FAM168B: variants seen among roughly 807,000 people sequenced by gnomAD.
The protein encoded by FAM168B is myelin-associated neurite-outgrowth inhibitor.
A neutral mutation model predicts 21.8 loss-of-function variants in FAM168B; 19 were observed. That is an observed-to-expected ratio of 0.87 (90% CI 0.61 to 1.28). FAM168B has a LOEUF of 1.28. FAM168B is among the 50% of genes most tolerant of loss of function. The probability of loss-of-function intolerance (pLI) is 0.00; values close to 1 mark genes in which losing one functional copy is unlikely to be tolerated. For missense variants in FAM168B, 233 were observed against 263.1 expected, an observed-to-expected ratio of 0.89 and a Z score of 0.79; for synonymous variants, 126 against 104.8, an observed-to-expected ratio of 1.20 and a Z score of -1.24.
Position 131,049,854 on chromosome 2 carries a change from C to T in FAM168B, c.*2611G>A, listed in dbSNP as rs951418821. The T allele has an allele frequency of 3.0e-6, 3 of 985,782 alleles. No individual in the cohort carries two copies. The highest frequency in any genetic ancestry group is 3.6e-6 in the Non-Finnish European group (3 of 829,928). 61.1% of individuals were successfully genotyped at this position (985,782 alleles called of 1,614,324 possible). ...TTGTAACAGAATTTTGACCCAAGTT[C>T]TATTTCTTAATTGACTTTAATTTTA... is the stretch of plus-strand genomic sequence containing the variant. On this transcript the variant is annotated 3_prime_UTR_variant, in exon 7 of 7. Coordinates refer to ENST00000389915, the MANE Select transcript of FAM168B (RefSeq NM_001009993.4).
At chr2:131,087,825 G>A (rs570406892) in intron 1 of FAM168B, among the ~76,000 whole-genome samples, 3 of 152,252 alleles carry the variant, frequency 2.0e-5, no homozygotes, top group Admixed American at 2.0e-4. Flanking sequence ...ACCTACAGTT[G>A]GACATGAACA....
chr2:131,081,128 C>T (rs1262732446), intron 2 of FAM168B, among the ~76,000 whole-genome samples: 1 of 152,180 alleles, frequency 6.6e-6, no homozygotes, highest in Admixed American at 6.5e-5. Flanking sequence ...TGTTCATATG[C>T]CATTTTGTTT....
chr2:131,071,958 A>T lies in FAM168B; in HGVS notation c.71-20T>A. On this transcript the variant is annotated intron_variant, in intron 2 of 6. Transcript: ENST00000389915. The stretch of plus-strand genomic sequence containing the variant: ...AACCAGCTGAAGAAAAATAAAGAAC[A>T]ATCTCATGTCATCAACTGAAGTAGC... The T allele has an allele frequency of 6.2e-7, 1 of 1,608,650 alleles. No homozygotes were observed. Among genetic ancestry groups the T allele is most frequent in the Non-Finnish European group, 8.5e-7 (1 of 1,176,154 alleles).
chr2:131,059,212 G>A (rs1348595776), intron 3 of FAM168B, among the ~76,000 whole-genome samples: 2 of 152,142 alleles, frequency 1.3e-5, no homozygotes, highest in African/African-American at 2.4e-5. Context: ...GGCTTCAGGG[G>A]GAAAAGAAAT....
intron 3 of FAM168B, among the ~76,000 whole-genome samples, chr2:131,066,227 G>GCGATCT (rs1324938416): frequency 6.7e-6 from 1 of 149,316 alleles, no homozygotes; most frequent in Non-Finnish European, 1.5e-5. Context: ...GTGCAGTGGT[G>GCGATCT]CGATCTCGAT....
rs745589508 is a variant in FAM168B at position 131,055,621 on chromosome 2, GGGA to G, written c.226_228del (p.Ser76del). 26 of 1,612,324 alleles carry G rather than the reference GGGA, an allele frequency of 1.6e-5. No individual in the cohort carries two copies. Among genetic ancestry groups the G allele is most frequent in the South Asian group, 3.3e-5 (3 of 90,842 alleles). ...TACACGGCAGTCTGGTAGGGGTTCG[GGGA>G]GGAGGAGTACGGTGGCACAGCCCCG... On this transcript the variant is annotated inframe_deletion, in exon 4 of 7. Transcript: ENST00000389915.
chr2:131,075,399 G>T (rs755353203), intron 2 of FAM168B, among the ~76,000 whole-genome samples: 3 of 152,064 alleles, frequency 2.0e-5, no homozygotes, highest in African/African-American at 4.8e-5. Context: ...ATTCTCATGG[G>T]AAGAGGGCTG....
Position 131,052,312 on chromosome 2 carries a change from T to C in FAM168B, c.*153A>G. The C allele has an allele frequency of 4.1e-6, 4 of 986,002 alleles. No homozygotes were observed. The highest frequency in any genetic ancestry group is 4.8e-6 in the Non-Finnish European group (4 of 830,052). 61.1% of individuals were successfully genotyped at this position (986,002 alleles called of 1,614,324 possible). A position where few individuals can be genotyped will look rare whatever the true frequency, so the allele number is the denominator to read the frequency against. On this transcript the variant is annotated 3_prime_UTR_variant, in exon 7 of 7. Coordinates refer to ENST00000389915, the MANE Select transcript of FAM168B (RefSeq NM_001009993.4). Reference sequence around the variant, plus strand: ...AGAGTCAGCTGGAGACTAACGGCGCTGGGGCCTGCTGGGCCGGGATATAGT... The same window carrying C: ...AGAGTCAGCTGGAGACTAACGGCGCCGGGGCCTGCTGGGCCGGGATATAGT...
At chr2:131,071,237 A>G (rs1161095998) in intron 3 of FAM168B, among the ~76,000 whole-genome samples, 1 of 152,190 alleles carries the variant, frequency 6.6e-6, no homozygotes, top group East Asian at 1.9e-4. Flanking sequence ...AGGCCAAACC[A>G]CAGCCTCAGA....
chr2:131,081,612 T>C (rs971499602), intron 2 of FAM168B, among the ~76,000 whole-genome samples: 2 of 152,158 alleles, frequency 1.3e-5, no homozygotes, highest in Non-Finnish European at 2.9e-5. Context: ...GTTTAGTCTA[T>C]CTCTTTGCTG....
At chr2:131,084,949 A>C (rs1027250114) in intron 1 of FAM168B, among the ~76,000 whole-genome samples, 9 of 152,154 alleles carry the variant, frequency 5.9e-5, no homozygotes, top group African/African-American at 2.2e-4. Context: ...TCCTGAGTTC[A>C]AGTGATCCTC....
intron 5 of FAM168B, among the ~76,000 whole-genome samples, chr2:131,053,573 G>A (rs532634449): frequency 3.3e-5 from 5 of 152,266 alleles, no homozygotes; most frequent in East Asian, 3.9e-4. Flanking sequence ...CTACTGAACC[G>A]TACTTAAAAA....
intron 1 of FAM168B, among the ~76,000 whole-genome samples, chr2:131,090,722 T>A (rs1020671531): frequency 1.3e-5 from 2 of 152,060 alleles, no homozygotes; most frequent in Non-Finnish European, 2.9e-5. Context: ...CATATATATG[T>A]ATAATATATA....
intron 1 of FAM168B, among the ~76,000 whole-genome samples, chr2:131,085,704 G>A (rs1242898588): frequency 6.6e-6 from 1 of 151,886 alleles, no homozygotes; most frequent in Non-Finnish European, 1.5e-5. Flanking sequence ...TTCATTACCT[G>A]AACTGTCTAA....
chr2:131,072,715 C>T (rs1692937557), intron 2 of FAM168B, among the ~76,000 whole-genome samples: 1 of 152,124 alleles, frequency 6.6e-6, no homozygotes, highest in South Asian at 2.1e-4. Flanking sequence ...CCTCAGCCTC[C>T]CGAAGTGCTG....
At chr2:131,055,892 T>G (rs574734756) in intron 3 of FAM168B, among the ~76,000 whole-genome samples, 197 bp from the exon 4 acceptor site, 1 of 152,216 alleles carries the variant, frequency 6.6e-6, no homozygotes, top group South Asian at 2.1e-4. Context: ...CACGTGTGTG[T>G]GGTGGCAGGG....
chr2:131,060,820 T>A (rs1253671502), intron 3 of FAM168B, among the ~76,000 whole-genome samples: 2 of 152,040 alleles, frequency 1.3e-5, no homozygotes, highest in African/African-American at 4.8e-5. Flanking sequence ...ACTATGGACA[T>A]CCACTGTATT....
chr2:131,050,519 G>C lies in FAM168B; in HGVS notation c.*1946C>G. 1.0e-6 allele frequency: 1 copy of C among 985,776 alleles called. No homozygotes were observed. The highest frequency in any genetic ancestry group is 1.2e-6 in the Non-Finnish European group (1 of 829,942). 61.1% of individuals were successfully genotyped at this position (985,776 alleles called of 1,614,324 possible). On this transcript the variant is annotated 3_prime_UTR_variant, in exon 7 of 7. Coordinates refer to ENST00000389915, the MANE Select transcript of FAM168B (RefSeq NM_001009993.4). Reference sequence around the variant, plus strand: ...GCCCCCACACATAGACACTAAGATGGATTAAGTGCTCATGAAGCAATTTAA... The same window carrying C: ...GCCCCCACACATAGACACTAAGATGCATTAAGTGCTCATGAAGCAATTTAA...
intron 2 of FAM168B, among the ~76,000 whole-genome samples, chr2:131,073,057 A>G (rs1692952674): frequency 6.6e-6 from 1 of 152,116 alleles, no homozygotes; most frequent in South Asian, 2.1e-4. Flanking sequence ...AACTGTTTTA[A>G]ACTTCTAAAT....
Sources: allele counts gnomAD v4.1 joint callset (sites outside exome capture counted in the v4.1 genomes callset), GRCh38; gene constraint gnomAD v4.1.1; transcripts MANE v1.5; gene names NCBI Gene and HGNC (gene_info 2026-07-23, HGNC 2026-07-21).